ST6GALNAC1: variants seen among roughly 807,000 people sequenced by gnomAD.
ST6GALNAC1 encodes the protein ST6 N-acetylgalactosaminide alpha-2,6-sialyltransferase 1.
Under a neutral mutation model 56.8 loss-of-function variants are expected in ST6GALNAC1, and 45 were observed. The ratio of observed to expected loss-of-function variants is 0.79; its 90% CI spans 0.62 to 1.02. The LOEUF (loss-of-function observed/expected upper bound fraction) is 1.02. Ranked by LOEUF, ST6GALNAC1 falls within the 50% of genes least tolerant of loss-of-function variation. ST6GALNAC1 has a pLI of 0.00. For missense variants in ST6GALNAC1, 743 were observed against 754.8 expected, an observed-to-expected ratio of 0.98 and a Z score of 0.18; for synonymous variants, 295 against 297.8, an observed-to-expected ratio of 0.99 and a Z score of 0.10.
chr17:76,633,801 A>C (rs777190111), intron 1 of ST6GALNAC1: 3 of 152,060 alleles, frequency 2.0e-5, no homozygotes, highest in Non-Finnish European at 4.4e-5. Flanking sequence ...TTCAGTGTAC[A>C]TCACCAAGGG....
At chr17:76,626,627 C>G (rs760975119) in intron 5 of ST6GALNAC1, 24 bp downstream of exon 5, 5 of 1,613,836 alleles carry the variant, frequency 3.1e-6, no homozygotes, top group Non-Finnish European at 4.2e-6. Flanking sequence ...CTGGGTGTGG[C>G]CAGGCTCCTT....
In ST6GALNAC1 at chr17:76,627,192, C is replaced by A. The variant is rs1360692463; in HGVS notation, c.1047G>T (p.Gln349His). ...CAGCGGGGAGGCTGGCCAGGAGCAG[C>A]TGCTGCTGGGGCACTGGAGGGAAGC... ...VTRFPPVPQQ[Q>H]LLLASLPAGS... is the part of the protein sequence containing the mutation. The change falls in exon 4 of 9, where the codon CAG becomes CAT. Residue 349 changes from glutamine (Q) to histidine (H), a missense_variant. Transcript: ENST00000156626. This position sits in a 1 kb window ranked among gnomAD's most constrained non-coding sequence, Gnocchi z 4.4. 4 of 1,599,176 alleles carry A rather than the reference C, an allele frequency of 2.5e-6. No individual in the cohort carries two copies. Among genetic ancestry groups the A allele is most frequent in the Non-Finnish European group, 3.4e-6 (4 of 1,172,410 alleles).
chr17:76,638,249 A>G (rs1232648247), intron 1 of ST6GALNAC1, among the ~76,000 whole-genome samples: 4 of 152,156 alleles, frequency 2.6e-5, no homozygotes, highest in African/African-American at 7.2e-5. Context: ...TATTTATACC[A>G]GACTATGGAA....
chr17:76,632,941 C>T (rs868012084), intron 1 of ST6GALNAC1, among the ~76,000 whole-genome samples: 23 of 152,332 alleles, frequency 1.5e-4, no homozygotes, highest in Middle Eastern at 6.8e-3. Flanking sequence ...TGAGGTGGCT[C>T]ATGCCTATAG....
At chr17:76,638,143 C>G (rs1200960933) in intron 1 of ST6GALNAC1, among the ~76,000 whole-genome samples, 2 of 140,232 alleles carry the variant, frequency 1.4e-5, no homozygotes, top group Admixed American at 1.5e-4. Context: ...GAACGCTTTA[C>G]GAATTTGCAC....
At chr17:76,622,494 A>T (rs1324063894), downstream of ST6GALNAC1, among the ~76,000 whole-genome samples, 1 of 151,944 alleles carries the variant, frequency 6.6e-6, no homozygotes, top group East Asian at 1.9e-4. Flanking sequence ...CTTCCTGAGT[A>T]GCTGGGACTA....
At chr17:76,633,546 T>G (rs8074415) in intron 1 of ST6GALNAC1, 9,539 of 152,176 alleles carry the variant, frequency 0.063, 522 homozygotes, top group East Asian at 0.15. Flanking sequence ...ATCAATCAAT[T>G]TATCATGAAC....
rs779114104 is a variant in ST6GALNAC1 at position 76,629,012 on chromosome 17, C to T, written c.831G>A (p.Thr277=). The stretch of plus-strand genomic sequence containing the variant: ...GGAAGGCGTGGTGGCAAAAACTCAC[C>T]GTCTGAAGGCCTCCTATTTCGAAGC... The part of the protein sequence containing the change: ...KYSFEIGGLQ[T]TCPDSVKIKA... The change falls in exon 2 of 9, where the codon ACG becomes ACA. Residue 277 remains threonine (T), a splice_region_variant and synonymous_variant. Coordinates refer to ENST00000156626, the MANE Select transcript of ST6GALNAC1 (RefSeq NM_018414.5). 96 of 1,522,136 alleles carry T rather than the reference C, an allele frequency of 6.3e-5. No homozygotes were observed. Among genetic ancestry groups the T allele is most frequent in the Middle Eastern group, 1.8e-4 (1 of 5,606 alleles). The allele number at this position is 1,522,136 out of a possible 1,614,324, so 94.3% of individuals were successfully genotyped here.
chr17:76,622,399 CCT>C (rs1258506203), downstream of ST6GALNAC1, among the ~76,000 whole-genome samples: 2 of 151,862 alleles, frequency 1.3e-5, no homozygotes, highest in Non-Finnish European at 2.9e-5. Flanking sequence ...AGAGTCTCAC[CCT>C]GTTACCAGGC....
intron 1 of ST6GALNAC1, among the ~76,000 whole-genome samples, chr17:76,631,255 A>G (rs1042990021): frequency 1.3e-5 from 2 of 152,120 alleles, no homozygotes; most frequent in African/African-American, 4.8e-5. Context: ...AAACACACAC[A>G]TTTTTAACTG....
intron 4 of ST6GALNAC1, 96 bp downstream of exon 4, chr17:76,626,971 T>A: frequency 7.0e-7 from 1 of 1,421,706 alleles, no homozygotes; most frequent in Non-Finnish European, 9.4e-7. Context: ...CTCAGAAGAG[T>A]CCATGTCTGC....
Position 76,627,299 on chromosome 17 carries a change from C to G in ST6GALNAC1, c.1001-61G>C, listed in dbSNP as rs1178635949. 2.1e-5 allele frequency: 32 copies of G among 1,556,060 alleles called. No homozygotes were observed. Among genetic ancestry groups the G allele is most frequent in the Non-Finnish European group, 2.8e-5 (32 of 1,150,240 alleles). On this transcript the variant is annotated intron_variant, in intron 3 of 8. Coordinates refer to ENST00000156626, the MANE Select transcript of ST6GALNAC1 (RefSeq NM_018414.5). This position sits in a 1 kb window ranked among gnomAD's most constrained non-coding sequence, Gnocchi z 4.4. Reference sequence around the variant, plus strand: ...TGGGAGGGACAGGAGTCCGACCCATCATTCCTCCCAGGTCTGGCAAACCCC... The same window carrying G: ...TGGGAGGGACAGGAGTCCGACCCATGATTCCTCCCAGGTCTGGCAAACCCC...
intron 8 of ST6GALNAC1, 88 bp from the exon 9 acceptor site, chr17:76,625,615 G>T: frequency 1.3e-6 from 2 of 1,492,142 alleles, no homozygotes; most frequent in Non-Finnish European, 9.1e-7. Flanking sequence ...AGGGGTGGGG[G>T]TTCTTTTCCC....
At chr17:76,637,351 T>TAAA (rs201789498) in intron 1 of ST6GALNAC1, 3,130 of 123,260 alleles carry the variant, frequency 0.025, 65 homozygotes, top group Middle Eastern at 0.049. Flanking sequence ...AGATGTGAAT[T>TAAA]AAAAAAAAAA....
downstream of ST6GALNAC1, among the ~76,000 whole-genome samples, chr17:76,622,942 C>T (rs1214156779): frequency 2.0e-5 from 3 of 152,116 alleles, no homozygotes; most frequent in East Asian, 1.9e-4. Context: ...TACAGGCATG[C>T]GCCACCAGGC....
intron 5 of ST6GALNAC1, 25 bp from the exon 6 acceptor site, chr17:76,626,417 T>C (rs747640622): frequency 1.9e-6 from 3 of 1,609,884 alleles, no homozygotes; most frequent in Admixed American, 1.7e-5. Context: ...CAGGGAGTGG[T>C]CCAAAAGTAC....
At chr17:76,639,903 T>A (rs1344223099) in intron 1 of ST6GALNAC1, among the ~76,000 whole-genome samples, 1 of 151,752 alleles carries the variant, frequency 6.6e-6, no homozygotes, top group Non-Finnish European at 1.5e-5. Flanking sequence ...ACTCCTCTGG[T>A]ATGGTTACTT....
At chr17:76,619,900 C>T (rs747850604), downstream of ST6GALNAC1, among the ~76,000 whole-genome samples, 3 of 151,786 alleles carry the variant, frequency 2.0e-5, no homozygotes, top group Non-Finnish European at 2.9e-5. Flanking sequence ...TGCACCGCCA[C>T]ACCCGGCTAA....
Position 76,629,315 on chromosome 17 carries a change from G to A in ST6GALNAC1, c.528C>T (p.Ala176=). ...GNGGQTRKLT[A]SRTVSEKHQG... is the part of the protein sequence containing the mutation. ...GGTGCTTCTCTGACACCGTCCTGGA[G>A]GCCGTCAGCTTCCTGGTCTGGCCCC... The change falls in exon 2 of 9, where the codon GCC becomes GCT. Residue 176 remains alanine, a synonymous_variant. Transcript: ENST00000156626. 6.2e-7 allele frequency: 1 copy of A among 1,614,198 alleles called. No individual in the cohort carries two copies.
Sources: allele counts gnomAD v4.1 joint callset (sites outside exome capture counted in the v4.1 genomes callset), GRCh38; gene constraint gnomAD v4.1.1; non-coding constraint Gnocchi (gnomAD v3.1); transcripts MANE v1.5; gene names NCBI Gene and HGNC (gene_info 2026-07-23, HGNC 2026-07-21).